The following ADAMTS12 variants were observed in gnomAD, a reference collection of about 807,000 sequenced individuals.
ADAMTS12 encodes ADAM metallopeptidase with thrombospondin type 1 motif 12.
Under a neutral mutation model 167.8 loss-of-function variants are expected in ADAMTS12, and 118 were observed. The observed-to-expected ratio is 0.70, with a 90% CI of 0.61 to 0.82. The LOEUF is 0.82. Ranked by LOEUF, ADAMTS12 falls within the 40% of genes least tolerant of loss-of-function variation. The pLI, the probability that ADAMTS12 is intolerant of heterozygous loss-of-function variation, is 0.00. For synonymous variants in ADAMTS12, 704 were observed against 716.9 expected (o/e 0.98, Z 0.29); for missense variants, 1,916 against 1,998.8 (o/e 0.96, Z 0.79).
chr5:33,582,832 T>C lies in ADAMTS12; in HGVS notation c.2866-5672A>G, dbSNP rs144337372. 2.1e-3 allele frequency among the ~76,000 whole-genome samples: 319 copies of C among 152,366 alleles called. 2 individuals are homozygous for C. Among genetic ancestry groups the C allele is most frequent in the African/African-American group, 7.2e-3 (301 of 41,588 alleles). On this transcript the variant is annotated intron_variant, in intron 18 of 23. Coordinates refer to ENST00000504830, the MANE Select transcript of ADAMTS12 (RefSeq NM_030955.4). ...TAAAAAACATTTGAAATTATTTTTT[T>C]CCATTCCAGTTTTAAAAAATGTTTA...
chr5:33,535,984 C>T (rs971545313), intron 22 of ADAMTS12, among the ~76,000 whole-genome samples: 4 of 152,240 alleles, frequency 2.6e-5, no homozygotes, highest in East Asian at 1.9e-4. Flanking sequence ...ATGTCATGAT[C>T]GCCCACCTGG....
intron 3 of ADAMTS12, among the ~76,000 whole-genome samples, chr5:33,708,132 C>T (rs1275221960): frequency 6.6e-6 from 1 of 152,232 alleles, no homozygotes; most frequent in Non-Finnish European, 1.5e-5. Context: ...AAAAAGTGGG[C>T]AAAGGATATG....
chr5:33,843,576 CATT>C (rs1387412012), intron 2 of ADAMTS12, among the ~76,000 whole-genome samples: 6 of 152,184 alleles, frequency 3.9e-5, no homozygotes, highest in African/African-American at 1.4e-4. Context: ...CCAGTTACAT[CATT>C]GTCAGAGAAG....
chr5:33,534,882 TC>T lies in ADAMTS12; in HGVS notation c.4556del (p.Arg1519AsnfsTer34). 1 of 1,614,038 alleles carries T rather than the reference TC, an allele frequency of 6.2e-7. No individual in the cohort carries two copies. The highest frequency in any genetic ancestry group is 8.5e-7 in the Non-Finnish European group (1 of 1,179,998). ...GGTTGCATTTTTTGAATTCTGGAGG[TC>T]TGGGTTTGTGATCACATAGACATTG... The part of the protein sequence containing the change: ...QDQCLCDHKP[R>X]PPEFKKCNQQ... On this transcript the variant is annotated frameshift_variant, in exon 23 of 24. Transcript: ENST00000504830. LOFTEE classifies it high-confidence loss of function.
intron 3 of ADAMTS12, among the ~76,000 whole-genome samples, chr5:33,697,759 T>C (rs1742836983): frequency 6.6e-6 from 1 of 152,150 alleles, no homozygotes; most frequent in Non-Finnish European, 1.5e-5. Flanking sequence ...ACAAATCAAA[T>C]GTTTAGCCAA....
At chr5:33,852,359 A>G (rs529296810) in intron 2 of ADAMTS12, among the ~76,000 whole-genome samples, 55 of 152,340 alleles carry the variant, frequency 3.6e-4, no homozygotes, top group African/African-American at 1.3e-3. Context: ...ACCCACTAAG[A>G]GACTGAAAGT....
chr5:33,870,574 G>C (rs928822097), intron 2 of ADAMTS12, among the ~76,000 whole-genome samples: 5 of 152,170 alleles, frequency 3.3e-5, no homozygotes, highest in African/African-American at 7.2e-5. Context: ...GTTGAGAAGG[G>C]ATGATAGTAT....
intron 2 of ADAMTS12, among the ~76,000 whole-genome samples, chr5:33,842,349 T>C (rs895859068): frequency 6.6e-6 from 1 of 152,230 alleles, no homozygotes; most frequent in Admixed American, 6.5e-5. Flanking sequence ...AAAGGTGCTT[T>C]ACTTAGGGAA....
rs140948544 is a variant in ADAMTS12, at chr5:33,679,311, G to C, written c.915+3707C>G. 2.0e-3 allele frequency among the ~76,000 whole-genome samples: 299 copies of C among 152,314 alleles called. 1 individual carries two copies. Among genetic ancestry groups the C allele is most frequent in the African/African-American group, 6.6e-3 (273 of 41,554 alleles). ...TAGTCCATTTTCACATTGCTATAAAGAACTGCCCAAGACTGGGTAATTTAT... is the reference window on the plus strand; with the variant it reads ...TAGTCCATTTTCACATTGCTATAAACAACTGCCCAAGACTGGGTAATTTAT... On this transcript the variant is annotated intron_variant, in intron 5 of 23. Coordinates refer to ENST00000504830, the MANE Select transcript of ADAMTS12 (RefSeq NM_030955.4).
chr5:33,806,408 T>C (rs914463852), intron 2 of ADAMTS12, among the ~76,000 whole-genome samples: 3 of 152,218 alleles, frequency 2.0e-5, no homozygotes, highest in African/African-American at 7.2e-5. Context: ...GGCTTTTCAA[T>C]ACCAGTCTGT....
At chr5:33,821,097 C>T (rs7718656) in intron 2 of ADAMTS12, among the ~76,000 whole-genome samples, 21,865 of 152,098 alleles carry the variant, frequency 0.14, 2,040 homozygotes, top group South Asian at 0.38. Context: ...GTGTAACAAA[C>T]CTGCACTTGT....
Position 33,527,052 on chromosome 5 carries a change from G to T in ADAMTS12, c.*136C>A. On this transcript the variant is annotated 3_prime_UTR_variant, in exon 24 of 24. Coordinates refer to ENST00000504830, the MANE Select transcript of ADAMTS12 (RefSeq NM_030955.4). ...CATTCGGTGGCTAGAGGAACACAATGGATTTTGTTTCATCATGACCCAAAG... is the reference window on the plus strand; with the variant it reads ...CATTCGGTGGCTAGAGGAACACAATTGATTTTGTTTCATCATGACCCAAAG... The T allele has an allele frequency of 8.5e-7, 1 of 1,181,036 alleles. No individual in the cohort carries two copies. Among genetic ancestry groups the T allele is most frequent in the Non-Finnish European group, 1.2e-6 (1 of 832,592 alleles). 73.2% of individuals were successfully genotyped at this position (1,181,036 alleles called of 1,614,324 possible).
intron 23 of ADAMTS12, among the ~76,000 whole-genome samples, chr5:33,531,561 T>C (rs372316726): frequency 7.2e-5 from 11 of 152,176 alleles, no homozygotes; most frequent in Admixed American, 2.6e-4. Context: ...CCACTGGAAA[T>C]TGAATGTTGT....
chr5:33,534,364 ATACT>A (rs752369285), intron 23 of ADAMTS12, among the ~76,000 whole-genome samples: 28 of 152,276 alleles, frequency 1.8e-4, no homozygotes, highest in Non-Finnish European at 2.9e-4. Flanking sequence ...TTCCATGGAA[ATACT>A]TACTTAATGA....
chr5:33,598,044 T>C (rs1450364413), intron 16 of ADAMTS12, among the ~76,000 whole-genome samples: 1 of 152,144 alleles, frequency 6.6e-6, no homozygotes, highest in Non-Finnish European at 1.5e-5. Context: ...CTTCGGAAAG[T>C]TAATAACATG....
intron 3 of ADAMTS12, among the ~76,000 whole-genome samples, chr5:33,691,619 G>A (rs1441818646): frequency 1.3e-5 from 2 of 152,184 alleles, no homozygotes; most frequent in South Asian, 2.1e-4. Context: ...CTTGGAAAAC[G>A]GAGTTACCTT....
In ADAMTS12 at chr5:33,525,104, A is replaced by C. The variant is rs2111701487; in HGVS notation, c.*2084T>G. On this transcript the variant is annotated 3_prime_UTR_variant, in exon 24 of 24. Transcript: ENST00000504830. Reference sequence around the variant, plus strand: ...TAAATCAATCTAGCTTACTAAATGAATCCCCCTGAAAGACTACACTACACT... The same window carrying C: ...TAAATCAATCTAGCTTACTAAATGACTCCCCCTGAAAGACTACACTACACT... The C allele has an allele frequency of 6.6e-6, 1 of 152,206 alleles. No homozygotes were observed. Among genetic ancestry groups the C allele is most frequent in the Non-Finnish European group, 1.5e-5 (1 of 68,014 alleles). The allele number at this position is 152,206 out of a possible 1,614,324, so 9.4% of individuals were successfully genotyped here.
In ADAMTS12 at chr5:33,832,397, G is replaced by GA. The variant is rs1434011478; in HGVS notation, c.489+48721dup. Among the ~76,000 whole-genome samples, 98 of 149,904 alleles carry GA rather than the reference G, an allele frequency of 6.5e-4. 1 individual carries two copies. Among genetic ancestry groups the GA allele is most frequent in the South Asian group, 2.8e-3 (13 of 4,718 alleles). On this transcript the variant is annotated intron_variant, in intron 2 of 23. Transcript: ENST00000504830. Reference sequence around the variant, plus strand: ...AATAAATAACTGAACATTTTGTGAGGAAAAAAAAACCCTTTGGATATGGGC... The same window carrying GA: ...AATAAATAACTGAACATTTTGTGAGGAAAAAAAAAACCCTTTGGATATGGGC...
chr5:33,528,021 C>T (rs143929809), intron 23 of ADAMTS12, among the ~76,000 whole-genome samples: 8 of 151,534 alleles, frequency 5.3e-5, no homozygotes, highest in African/African-American at 1.5e-4. Context: ...CCTAAGGGCC[C>T]GTCAACCAAT....
Sources: gnomAD v4.1 joint callset for allele counts (sites outside exome capture counted in the v4.1 genomes callset) on GRCh38, gnomAD v4.1.1 for gene constraint, MANE v1.5 for transcripts, NCBI Gene and HGNC (gene_info 2026-07-23, HGNC 2026-07-21) for gene names.